The following SELENOI variants were observed in gnomAD, a reference collection of about 807,000 sequenced individuals.
SELENOI encodes selenoprotein I.
A neutral mutation model predicts 50.7 loss-of-function variants in SELENOI; 24 were observed. The ratio of observed to expected loss-of-function variants is 0.47; its 90% CI spans 0.34 to 0.67. The LOEUF is 0.67. Among genes scored for constraint, SELENOI ranks in the 30% least tolerant of loss-of-function variants. The pLI is 0.01. For missense variants in SELENOI, 352 were observed against 461.4 expected, an observed-to-expected ratio of 0.76 and a Z score of 2.17; for synonymous variants, 155 against 170.2, an observed-to-expected ratio of 0.91 and a Z score of 0.70.
At chr2:26,348,192 G>T (rs560490730) in intron 1 of SELENOI, among the ~76,000 whole-genome samples, 1 of 152,184 alleles carries the variant, frequency 6.6e-6, no homozygotes, top group South Asian at 2.1e-4. Flanking sequence ...TTATCGTTGC[G>T]TTCCCCTTAT....
At chr2:26,354,171 T>G (rs1375081261) in intron 1 of SELENOI, among the ~76,000 whole-genome samples, 1 of 152,196 alleles carries the variant, frequency 6.6e-6, no homozygotes, top group Non-Finnish European at 1.5e-5. Context: ...TATTCACAAC[T>G]GCCATCTGAG....
At position 26,392,311 on chromosome 2, in the gene SELENOI, C is replaced by A. The variant is rs952557289; in HGVS notation, c.*3208C>A. On this transcript the variant is annotated 3_prime_UTR_variant, in exon 10 of 10. Transcript: ENST00000260585. ...AACATCCTATGAATTTGAAAGTTTC[C>A]TAAGTGTTGTTTTCAAAGAACTGGT... is the stretch of plus-strand genomic sequence containing the variant. The A allele has an allele frequency of 1.3e-5, 2 of 152,066 alleles. No individual in the cohort carries two copies. Among genetic ancestry groups the A allele is most frequent in the African/African-American group, 4.8e-5 (2 of 41,406 alleles). 9.4% of individuals were successfully genotyped at this position (152,066 alleles called of 1,614,324 possible).
chr2:26,358,091 C>T (rs554954261), intron 1 of SELENOI, among the ~76,000 whole-genome samples: 2 of 152,274 alleles, frequency 1.3e-5, no homozygotes, highest in East Asian at 3.9e-4. Context: ...GTCCATTAAA[C>T]CTGTTTTTCT....
At position 26,386,420 on chromosome 2, in the gene SELENOI, C is replaced by T. The variant is rs1451770907; in HGVS notation, c.979C>T (p.Leu327Phe). 6.2e-7 allele frequency: 1 copy of T among 1,613,870 alleles called. No individual in the cohort carries two copies. The highest frequency in any genetic ancestry group is 1.1e-5 in the South Asian group (1 of 91,078). ...CPTLNWLLVP[L>F]FLVVLVVNLG... Reference sequence around the variant, plus strand: ...AACTTTGAATTGGTTGCTGGTTCCTCTCTTCTTGGTTGTCTTAGTGGTAAA... The same window carrying T: ...AACTTTGAATTGGTTGCTGGTTCCTTTCTTCTTGGTTGTCTTAGTGGTAAA... The change falls in exon 9 of 10, where the codon CTC (leucine) becomes TTC (phenylalanine). Residue 327 changes from leucine (L) to phenylalanine (F), a missense_variant. By Grantham distance (22) the Leu-to-Phe change is conservative. Transcript: ENST00000260585.
chr2:26,370,772 G>A (rs1486644958), intron 4 of SELENOI, among the ~76,000 whole-genome samples: 2 of 143,524 alleles, frequency 1.4e-5, no homozygotes, highest in Non-Finnish European at 3.1e-5. Context: ...CGGACGGGGC[G>A]GCTGGCCGGG....
At chr2:26,377,473 A>T (rs1677592583) in intron 6 of SELENOI, among the ~76,000 whole-genome samples, 1 of 152,068 alleles carries the variant, frequency 6.6e-6, no homozygotes, top group Non-Finnish European at 1.5e-5. Context: ...CTACAAAAAA[A>T]TAGAAAAATT....
chr2:26,346,360 C>T (rs1299312114), intron 1 of SELENOI, 71 bp downstream of exon 1: 16 of 1,506,548 alleles, frequency 1.1e-5, no homozygotes, highest in Non-Finnish European at 1.3e-5. Flanking sequence ...GCCCGCGCGG[C>T]GCGGTCCGTG....
chr2:26,370,824 CGGGGGGCTG>C (rs2147953726), intron 4 of SELENOI, among the ~76,000 whole-genome samples: 1 of 123,636 alleles, frequency 8.1e-6, no homozygotes, highest in African/African-American at 3.4e-5. Context: ...GCTGGCCGGG[CGGGGGGCTG>C]ACACCCCCAC....
At chr2:26,374,506 C>T (rs1157037080) in intron 5 of SELENOI, among the ~76,000 whole-genome samples, 1 of 151,778 alleles carries the variant, frequency 6.6e-6, no homozygotes, top group East Asian at 1.9e-4. Flanking sequence ...CAAATGATGG[C>T]CAGTTGCTTG....
At chr2:26,371,127 G>C (rs553059086) in intron 4 of SELENOI, among the ~76,000 whole-genome samples, 2 of 148,072 alleles carry the variant, frequency 1.4e-5, no homozygotes, top group Admixed American at 1.3e-4. Context: ...CCTCCCTCCC[G>C]GACGGGGCGG....
At chr2:26,372,685 T>C (rs1677482884) in intron 4 of SELENOI, among the ~76,000 whole-genome samples, 1 of 152,198 alleles carries the variant, frequency 6.6e-6, no homozygotes, top group Non-Finnish European at 1.5e-5. Context: ...TGTGATGAAT[T>C]ACTATGGCAT....
intron 7 of SELENOI, among the ~76,000 whole-genome samples, chr2:26,383,805 C>T (rs778598407): frequency 1.3e-5 from 2 of 151,874 alleles, no homozygotes; most frequent in East Asian, 1.9e-4. Flanking sequence ...ACCTGGGAGG[C>T]GGAGGTTGCA....
At chr2:26,383,456 C>A in intron 7 of SELENOI, 109 bp downstream of exon 7, 4 of 731,410 alleles carry the variant, frequency 5.5e-6, no homozygotes, top group South Asian at 3.6e-5. Flanking sequence ...TTGAAAAGGT[C>A]ACAAAACCTA....
chr2:26,375,127 C>T lies in SELENOI; in HGVS notation c.661C>T (p.Leu221=). 5.0e-6 allele frequency: 8 copies of T among 1,607,390 alleles called. No individual in the cohort carries two copies. Among genetic ancestry groups the T allele is most frequent in the Non-Finnish European group, 6.8e-6 (8 of 1,174,790 alleles). The change falls in exon 6 of 10, where the codon CTA becomes TTA. Residue 221 remains leucine, a synonymous_variant. Transcript: ENST00000260585. ...PFLFNFLYRD[L]FTAMIIGCAL... is the part of the protein sequence containing the mutation. ...CCTGTTTAATTTCTTATATAGAGAC[C>T]TATTCACTGCAATGATTATTGGTAA...
At chr2:26,373,857 T>C (rs1558418543) in intron 5 of SELENOI, among the ~76,000 whole-genome samples, 1 of 152,202 alleles carries the variant, frequency 6.6e-6, no homozygotes, top group Non-Finnish European at 1.5e-5. Context: ...ATGTACCCAT[T>C]GCTGAGGCTG....
rs562243032 is a variant in SELENOI at position 26,373,333 on chromosome 2, G to C, written c.311-34G>C. ...AGACTTTCTCCATCCTGGTGCATAC[G>C]TTGAACTTTTCCTGTGGTTTGTTTT... On this transcript the variant is annotated intron_variant, in intron 4 of 9. Coordinates refer to ENST00000260585, the MANE Select transcript of SELENOI (RefSeq NM_033505.4). The C allele has an allele frequency of 2.5e-6, 4 of 1,585,934 alleles. No homozygotes were observed. The East Asian group carries it at 9.0e-5, about 36-fold the overall frequency.
Position 26,395,500 on chromosome 2 carries a change from G to A in SELENOI, c.*6397G>A, listed in dbSNP as rs1678071232. On this transcript the variant is annotated 3_prime_UTR_variant, in exon 10 of 10. Coordinates refer to ENST00000260585, the MANE Select transcript of SELENOI (RefSeq NM_033505.4). ...GGGGCCCGTTTCTGGCCAGAGGGTGGCTCTGGGAGCAGTTGTGCTGCGGGC... is the reference window on the plus strand; with the variant it reads ...GGGGCCCGTTTCTGGCCAGAGGGTGACTCTGGGAGCAGTTGTGCTGCGGGC... 1 of 152,642 alleles carries A rather than the reference G, an allele frequency of 6.6e-6. No homozygotes were observed. Among genetic ancestry groups the A allele is most frequent in the African/African-American group, 2.4e-5 (1 of 41,458 alleles). The allele number at this position is 152,642 out of a possible 1,614,324, so 9.5% of individuals were successfully genotyped here.
At position 26,386,144 on chromosome 2, in the gene SELENOI, G is replaced by T. The variant is rs147261521; in HGVS notation, c.913-210G>T. ...ATTCAGTTATCTTCCAGCCTCTTCT[G>T]ACACACACTCTGAGGTTACATGGGT... On this transcript the variant is annotated intron_variant, in intron 8 of 9. Coordinates refer to ENST00000260585, the MANE Select transcript of SELENOI (RefSeq NM_033505.4). Among the ~76,000 whole-genome samples the T allele has an allele frequency of 4.5e-3, 681 of 152,180 alleles. 2 individuals are homozygous for T. The highest frequency in any genetic ancestry group is 0.015 in the African/African-American group (627 of 41,526).
intron 4 of SELENOI, among the ~76,000 whole-genome samples, chr2:26,371,038 C>T (rs1316315786): frequency 6.9e-6 from 1 of 145,024 alleles, no homozygotes; most frequent in Non-Finnish European, 1.5e-5. Context: ...CTCCTCACTT[C>T]CCAGTAGGGG....
Sources: allele counts gnomAD v4.1 joint callset (sites outside exome capture counted in the v4.1 genomes callset), GRCh38; gene constraint gnomAD v4.1.1; transcripts MANE v1.5; gene names NCBI Gene and HGNC (gene_info 2026-07-23, HGNC 2026-07-21).